Variants in RBFOX1 observed in about 807,000 individuals in gnomAD.
The protein encoded by RBFOX1 is RNA binding protein fox-1 homolog 1.
A neutral mutation model predicts 57.7 loss-of-function variants in RBFOX1; 8 were observed. The observed-to-expected ratio is 0.14, with a 90% confidence interval of 0.08 to 0.25. RBFOX1 has a LOEUF of 0.25. Ranked by LOEUF, RBFOX1 falls within the 10% of genes least tolerant of loss-of-function variation. RBFOX1 has a pLI of 1.00. For synonymous variants in RBFOX1, 326 were observed against 222.4 expected, an observed-to-expected ratio of 1.47 and a Z score of -4.15; for missense variants, 611 against 548.5, an observed-to-expected ratio of 1.11 and a Z score of -1.14.
intron 2 of RBFOX1, among the ~76,000 whole-genome samples, chr16:6,574,053 C>T (rs1417648795): frequency 1.3e-5 from 2 of 152,196 alleles, no homozygotes; most frequent in Non-Finnish European, 2.9e-5. Flanking sequence ...GCTCTGCCAA[C>T]CCTGTTCCCC....
intron 3 of RBFOX1, among the ~76,000 whole-genome samples, chr16:6,884,089 C>T (rs1023203633): frequency 5.3e-5 from 8 of 152,152 alleles, no homozygotes; most frequent in Admixed American, 2.0e-4. Context: ...GTTATGCAAG[C>T]ACCTGCGATG....
intron 2 of RBFOX1, among the ~76,000 whole-genome samples, chr16:6,601,400 G>T (rs182547133): frequency 3.9e-5 from 6 of 152,136 alleles, no homozygotes; most frequent in African/African-American, 7.2e-5. Context: ...TGCTTTTGTT[G>T]GTATTGTGGC....
chr16:5,331,607 G>C (rs543461540), intron 1 of RBFOX1, among the ~76,000 whole-genome samples: 2 of 152,256 alleles, frequency 1.3e-5, no homozygotes, highest in Non-Finnish European at 2.9e-5. Context: ...ATTGGCCAAA[G>C]CCAGTCACAT....
chr16:7,674,352 A>G (rs1243420160), intron 13 of RBFOX1, among the ~76,000 whole-genome samples: 1 of 152,194 alleles, frequency 6.6e-6, no homozygotes, highest in Non-Finnish European at 1.5e-5. Context: ...TTTAAAAATC[A>G]GTTCATTGCA....
At chr16:7,196,009 G>A (rs1306077832) in intron 4 of RBFOX1, among the ~76,000 whole-genome samples, 3 of 150,982 alleles carry the variant, frequency 2.0e-5, no homozygotes, top group East Asian at 1.9e-4. Context: ...GGCTGTCACC[G>A]TCTGAAAAAA....
chr16:7,203,605 C>A (rs1043805704), intron 4 of RBFOX1, among the ~76,000 whole-genome samples: 3 of 152,216 alleles, frequency 2.0e-5, no homozygotes, highest in African/African-American at 7.2e-5. Flanking sequence ...CCCAGGATTG[C>A]AGTGAGTTTT....
chr16:5,351,074 A>T (rs2065252108), intron 1 of RBFOX1, among the ~76,000 whole-genome samples: 1 of 152,180 alleles, frequency 6.6e-6, no homozygotes, highest in Non-Finnish European at 1.5e-5. Context: ...CGCTGGTGGA[A>T]GCAGGTTGAC....
chr16:5,362,075 TAATATTGAACA>T (rs1395233187), intron 1 of RBFOX1, among the ~76,000 whole-genome samples: 2 of 152,248 alleles, frequency 1.3e-5, no homozygotes, highest in East Asian at 3.8e-4. Context: ...ACATTTAACT[TAATATTGAACA>T]TGAGATCTGT....
At position 6,530,423 on chromosome 16, in the gene RBFOX1, T is replaced by G. The variant is rs555879316; in HGVS notation, c.-63-124180T>G. ...CCTGCAAGATGGGGAGACAGTGGGC[T>G]GTAGCAACATTGTTGCTATTTGTCT... On this transcript the variant is annotated intron_variant, in intron 2 of 15. Transcript: ENST00000550418. Among the ~76,000 whole-genome samples the G allele has an allele frequency of 3.9e-5, 6 of 152,320 alleles. No individual in the cohort carries two copies. In the East Asian group the frequency reaches 1.2e-3, roughly 29 times the overall value.
intron 2 of RBFOX1, among the ~76,000 whole-genome samples, chr16:6,328,633 G>T (rs1453328490): frequency 6.6e-6 from 1 of 152,140 alleles, no homozygotes; most frequent in Non-Finnish European, 1.5e-5. Flanking sequence ...CACTATGTAT[G>T]CAAAGTAGGA....
At position 7,200,504 on chromosome 16, in the gene RBFOX1, A is replaced by G. The variant is rs555002587; in HGVS notation, c.27+148406A>G. ...AGTAGGCACTAAGGATGATGTTGCAATATACCCCACAGACAACATCACTGC... is the reference window on the plus strand; with the variant it reads ...AGTAGGCACTAAGGATGATGTTGCAGTATACCCCACAGACAACATCACTGC... On this transcript the variant is annotated intron_variant, in intron 4 of 15. Coordinates refer to ENST00000550418, the MANE Select transcript of RBFOX1 (RefSeq NM_018723.4). 1.2e-4 allele frequency among the ~76,000 whole-genome samples: 19 copies of G among 152,342 alleles called. 1 individual carries two copies. The highest frequency in any genetic ancestry group is 3.4e-3 in the Middle Eastern group (1 of 294).
chr16:6,426,075 T>TCC, intron 2 of RBFOX1, among the ~76,000 whole-genome samples: 1 of 143,280 alleles, frequency 7.0e-6, no homozygotes, highest in Admixed American at 6.9e-5. Context: ...TCTCTCTGTC[T>TCC]CATTTTCTCC....
intron 1 of RBFOX1, among the ~76,000 whole-genome samples, chr16:5,451,678 G>A (rs1305769518): frequency 6.6e-6 from 1 of 152,234 alleles, no homozygotes; most frequent in Non-Finnish European, 1.5e-5. Flanking sequence ...AAAGGAAGGA[G>A]AGAGACATCG....
At chr16:6,207,483 C>T (rs1567678649) in intron 1 of RBFOX1, among the ~76,000 whole-genome samples, 1 of 152,008 alleles carries the variant, frequency 6.6e-6, no homozygotes, top group Non-Finnish European at 1.5e-5. Flanking sequence ...TTTTTTCCCT[C>T]TTACATTTTG....
intron 2 of RBFOX1, among the ~76,000 whole-genome samples, chr16:6,565,384 A>C (rs1405963415): frequency 6.6e-6 from 1 of 152,204 alleles, no homozygotes; most frequent in Non-Finnish European, 1.5e-5. Flanking sequence ...CAGCCTCCCA[A>C]GTAGCTGGAA....
In RBFOX1 at chr16:5,272,546, C is replaced by T. The variant is rs190054121; in HGVS notation, c.219+32441C>T. 1.6e-3 allele frequency among the ~76,000 whole-genome samples: 251 copies of T among 152,288 alleles called. 1 individual carries two copies. The highest frequency in any genetic ancestry group is 5.7e-3 in the African/African-American group (235 of 41,564). Reference sequence around the variant, plus strand: ...GAATCGTCCCATCCTCCAGGGCCGACAAGTTCATGACTGCTGCCTCTACCG... The same window carrying T: ...GAATCGTCCCATCCTCCAGGGCCGATAAGTTCATGACTGCTGCCTCTACCG... On this transcript the variant is annotated intron_variant, in intron 1 of 2. Transcript: ENST00000585867.
chr16:6,976,036 T>G (rs1345184139), intron 3 of RBFOX1, among the ~76,000 whole-genome samples: 3 of 152,006 alleles, frequency 2.0e-5, no homozygotes, highest in African/African-American at 7.3e-5. Context: ...CTGAGGGAAG[T>G]GAATTGCTTG....
chr16:7,259,508 C>T (rs2094832398), intron 4 of RBFOX1, among the ~76,000 whole-genome samples: 1 of 151,394 alleles, frequency 6.6e-6, no homozygotes, highest in Non-Finnish European at 1.5e-5. Context: ...GCTTTGAACA[C>T]TGGGAACATC....
chr16:6,798,118 A>G (rs996065348), intron 3 of RBFOX1, among the ~76,000 whole-genome samples: 1 of 152,122 alleles, frequency 6.6e-6, no homozygotes, highest in Non-Finnish European at 1.5e-5. Context: ...TCTAGCACGC[A>G]TTTAATAAAT....
Sources: allele counts gnomAD v4.1 joint callset (sites outside exome capture counted in the v4.1 genomes callset), GRCh38; gene constraint gnomAD v4.1.1; transcripts MANE v1.5; gene names NCBI Gene and HGNC (gene_info 2026-07-23, HGNC 2026-07-21).